Variants in PTPRO observed in about 807,000 individuals in gnomAD.
PTPRO encodes protein tyrosine phosphatase receptor type O, also known as receptor-type tyrosine-protein phosphatase O.
Under a neutral mutation model 145.2 loss-of-function variants are expected in PTPRO, and 62 were observed. The ratio of observed to expected loss-of-function variants is 0.43; its 90% CI spans 0.35 to 0.53. PTPRO has a LOEUF of 0.53. Among genes scored for constraint, PTPRO ranks in the 20% least tolerant of loss-of-function variants. The pLI is 0.01. For synonymous variants in PTPRO, 565 were observed against 514.7 expected, an observed-to-expected ratio of 1.10 and a Z score of -1.32; for missense variants, 1,345 against 1,482.7, an observed-to-expected ratio of 0.91 and a Z score of 1.53.
At chr12:15,326,432 T>C (rs1436933138) in intron 1 of PTPRO, among the ~76,000 whole-genome samples, 1 of 152,232 alleles carries the variant, frequency 6.6e-6, no homozygotes, top group Non-Finnish European at 1.5e-5. Context: ...ATGTTTCCTT[T>C]TGTTCTTTGT....
intron 1 of PTPRO, among the ~76,000 whole-genome samples, chr12:15,432,607 T>C (rs1318105681): frequency 6.6e-6 from 1 of 152,246 alleles, no homozygotes; most frequent in Admixed American, 6.5e-5. Context: ...TGAATTAATT[T>C]ACACCCCCAC....
chr12:15,431,720 T>G (rs1164032666), intron 1 of PTPRO, among the ~76,000 whole-genome samples: 1 of 152,190 alleles, frequency 6.6e-6, no homozygotes, highest in South Asian at 2.1e-4. Flanking sequence ...GGCTTTTACT[T>G]TGGAAAATAT....
chr12:15,508,123 C>G (rs1404461601), intron 6 of PTPRO, among the ~76,000 whole-genome samples: 1 of 152,176 alleles, frequency 6.6e-6, no homozygotes, highest in Non-Finnish European at 1.5e-5. Flanking sequence ...TTCGTTCTCA[C>G]TGTTGCCAAA....
At chr12:15,532,662 T>C (rs758329108) in intron 12 of PTPRO, among the ~76,000 whole-genome samples, 7 of 152,228 alleles carry the variant, frequency 4.6e-5, no homozygotes, top group Non-Finnish European at 1.0e-4. Flanking sequence ...CCTTGTGGTC[T>C]ATACTTAAAT....
At chr12:15,546,823 C>G in intron 13 of PTPRO, 115 bp downstream of exon 13, 2 of 1,438,146 alleles carry the variant, frequency 1.4e-6, no homozygotes, top group Non-Finnish European at 1.9e-6. Context: ...TGTTTATTTG[C>G]TCTTTTGTGT....
At chr12:15,433,955 G>T (rs144720596) in intron 1 of PTPRO, among the ~76,000 whole-genome samples, 1 of 152,200 alleles carries the variant, frequency 6.6e-6, no homozygotes, top group East Asian at 1.9e-4. Context: ...ACAGAATGTT[G>T]GTCTGTGCCT....
intron 1 of PTPRO, among the ~76,000 whole-genome samples, chr12:15,402,396 A>C (rs1351756090): frequency 6.6e-6 from 1 of 152,116 alleles, no homozygotes; most frequent in Non-Finnish European, 1.5e-5. Context: ...CAAGAAAAAA[A>C]AAAAAGAAAA....
chr12:15,523,664 A>C (rs1482322657), intron 10 of PTPRO, among the ~76,000 whole-genome samples: 4 of 152,156 alleles, frequency 2.6e-5, no homozygotes, highest in South Asian at 2.1e-4. Flanking sequence ...AGTCCTAGCT[A>C]CTTGGTAGAC....
rs928039774 is a variant in PTPRO, at chr12:15,569,471, T to C, written c.2802T>C (p.Ser934=). The C allele has an allele frequency of 2.7e-5, 43 of 1,613,606 alleles. No individual in the cohort carries two copies. Among genetic ancestry groups the C allele is most frequent in the Non-Finnish European group, 3.5e-5 (41 of 1,179,682 alleles). ...ATATTAAGGATATGGCCAAAGACTC[T>C]GACTATAAATTTTCTCTTCAGTTTG... is the stretch of plus-strand genomic sequence containing the variant. ...DAYIKDMAKD[S]DYKFSLQFEE... Residue 934 remains serine (S), a synonymous_variant, in exon 19 of 27, where the codon TCT becomes TCC. Transcript: ENST00000281171.
chr12:15,500,332 A>G (rs1942195039), intron 4 of PTPRO, among the ~76,000 whole-genome samples: 1 of 152,194 alleles, frequency 6.6e-6, no homozygotes, highest in Non-Finnish European at 1.5e-5. Context: ...TTAGTCTAAG[A>G]CCAGGAAACT....
At chr12:15,333,015 G>A (rs1190099408) in intron 1 of PTPRO, among the ~76,000 whole-genome samples, 3 of 152,254 alleles carry the variant, frequency 2.0e-5, no homozygotes, top group South Asian at 2.1e-4. Context: ...ACCAGCCTGA[G>A]TTTTCTGCCT....
rs1173609610 is a variant in PTPRO, at chr12:15,432,275, T to C, written c.76-51699T>C. On this transcript the variant is annotated intron_variant, in intron 1 of 26. Coordinates refer to ENST00000281171, the MANE Select transcript of PTPRO (RefSeq NM_030667.3). ...AGTATTTGGTTTTCCATTCCTGCAA[T>C]AGTTTGCTAAGGATAATGGCCTCCA... 3.3e-5 allele frequency among the ~76,000 whole-genome samples: 5 copies of C among 152,226 alleles called. 1 individual carries two copies. Among genetic ancestry groups the C allele is most frequent in the South Asian group, 4.1e-4 (2 of 4,828 alleles).
chr12:15,502,978 G>A (rs905515608), intron 5 of PTPRO, among the ~76,000 whole-genome samples: 2 of 151,970 alleles, frequency 1.3e-5, no homozygotes, highest in African/African-American at 2.4e-5. Flanking sequence ...TTACTTAATA[G>A]CATGAGATAC....
chr12:15,558,385 T>G (rs1449534571), intron 16 of PTPRO, among the ~76,000 whole-genome samples: 2 of 152,188 alleles, frequency 1.3e-5, no homozygotes, highest in Non-Finnish European at 2.9e-5. Context: ...CATGGCTTCA[T>G]TTTTCTTTAT....
At chr12:15,559,087 G>A (rs1943710514) in intron 16 of PTPRO, among the ~76,000 whole-genome samples, 1 of 152,138 alleles carries the variant, frequency 6.6e-6, no homozygotes, top group Non-Finnish European at 1.5e-5. Flanking sequence ...GTGATGAGTG[G>A]CCCATCTAGG....
intron 3 of PTPRO, 136 bp from the exon 4 acceptor site, chr12:15,499,306 T>C: frequency 1.1e-6 from 1 of 879,646 alleles, no homozygotes; most frequent in African/African-American, 1.7e-5. Flanking sequence ...TTCTACTAAC[T>C]CTTTATTACT....
At chr12:15,503,817 A>G in intron 5 of PTPRO, 91 bp from the exon 6 acceptor site, 3 of 1,027,948 alleles carry the variant, frequency 2.9e-6, no homozygotes, top group Non-Finnish European at 4.3e-6. Flanking sequence ...CATTTAAAAC[A>G]CCTAATTTTT....
At position 15,520,320 on chromosome 12, in the gene PTPRO, A is replaced by G. The variant is rs1415797479; in HGVS notation, c.1891+8A>G. On this transcript the variant is annotated splice_region_variant and intron_variant, in intron 10 of 26. Transcript: ENST00000281171. ...CCATCAGCTTCATAACAGGTGAGGCATGTGTGGGGAACAGTTCCACAAGGA... is the reference window on the plus strand; with the variant it reads ...CCATCAGCTTCATAACAGGTGAGGCGTGTGTGGGGAACAGTTCCACAAGGA... 3 of 1,587,296 alleles carry G rather than the reference A, an allele frequency of 1.9e-6. No homozygotes were observed. The highest frequency in any genetic ancestry group is 1.3e-5 in the African/African-American group (1 of 74,354).
intron 1 of PTPRO, among the ~76,000 whole-genome samples, chr12:15,414,673 A>T (rs190257263): frequency 2.6e-5 from 4 of 152,348 alleles, no homozygotes; most frequent in Non-Finnish European, 4.4e-5. Flanking sequence ...AATCACATTC[A>T]TAAGTTATCT....
Sources: gnomAD v4.1 joint callset for allele counts (sites outside exome capture counted in the v4.1 genomes callset) on GRCh38, gnomAD v4.1.1 for gene constraint, MANE v1.5 for transcripts, NCBI Gene and HGNC (gene_info 2026-07-23, HGNC 2026-07-21) for gene names.